ZFPM2: variants seen among roughly 807,000 people sequenced by gnomAD.
ZFPM2 encodes zinc finger protein ZFPM2.
ZFPM2 carries 20 observed loss-of-function variants against 98.6 expected under a neutral mutation model. That is an observed-to-expected ratio of 0.20 (90% CI 0.14 to 0.29). The LOEUF is 0.29. Ranked by LOEUF, ZFPM2 falls within the 10% of genes least tolerant of loss-of-function variation. The pLI is 1.00. For missense variants in ZFPM2, 1,310 were observed against 1,388.6 expected (o/e 0.94, Z 0.90); for synonymous variants, 518 against 502.7 (o/e 1.03, Z -0.41).
In ZFPM2 at chr8:105,429,445, A is replaced by AATATATATATATATAT. The variant is rs142230291; in HGVS notation, c.199+10148_199+10163dup. On this transcript the variant is annotated intron_variant, in intron 2 of 7. Transcript: ENST00000407775. The stretch of plus-strand genomic sequence containing the variant: ...AAAACGTGCACAAGTTAGACAAGGA[A>AATATATATATATATAT]ATATATATATATATATATATGGAAA... Among the ~76,000 whole-genome samples the AATATATATATATATAT allele has an allele frequency of 2.6e-4, 36 of 138,386 alleles. 1 individual carries two copies. Among genetic ancestry groups the AATATATATATATATAT allele is most frequent in the African/African-American group, 1.1e-3 (36 of 32,042 alleles). The allele number at this position is 138,386 out of a possible 152,430, so 90.8% of individuals were successfully genotyped here.
intron 1 of ZFPM2, among the ~76,000 whole-genome samples, chr8:105,380,253 G>A (rs1029768750): frequency 6.6e-6 from 1 of 151,952 alleles, no homozygotes; most frequent in Non-Finnish European, 1.5e-5. Flanking sequence ...AAATATATAA[G>A]ATGCTGATTA....
At position 105,788,767 on chromosome 8, in the gene ZFPM2, G is replaced by A. The variant is rs758169109; in HGVS notation, c.582G>A (p.Glu194=). 7 of 1,613,906 alleles carry A rather than the reference G, an allele frequency of 4.3e-6. No individual in the cohort carries two copies. The Middle Eastern group carries it at 4.9e-4, about 114-fold the overall frequency. The part of the protein sequence containing the change: ...TTTKAISEGE[E]LIAFVVDFDS... Reference sequence around the variant, plus strand: ...CGAAGGCCATCTCTGAGGGTGAAGAGCTAATTGCCTTTGTGGTGGATTTTG... The same window carrying A: ...CGAAGGCCATCTCTGAGGGTGAAGAACTAATTGCCTTTGTGGTGGATTTTG... The change falls in exon 6 of 8, where the codon GAG becomes GAA. Residue 194 remains glutamate (E), a synonymous_variant. Transcript: ENST00000407775.
chr8:105,786,635 C>T (rs747875294), intron 5 of ZFPM2, among the ~76,000 whole-genome samples: 1 of 152,116 alleles, frequency 6.6e-6, no homozygotes, highest in Non-Finnish European at 1.5e-5. Context: ...ATATATATTA[C>T]AACTGCTGAG....
Position 105,663,857 on chromosome 8 carries a change from C to A in ZFPM2, c.532+29500C>A, listed in dbSNP as rs181305076. Among the ~76,000 whole-genome samples the A allele has an allele frequency of 5.8e-3, 884 of 152,272 alleles. 3 individuals carry two copies. The highest frequency in any genetic ancestry group is 8.6e-3 in the Non-Finnish European group (585 of 68,012). On this transcript the variant is annotated intron_variant, in intron 5 of 7. Coordinates refer to ENST00000407775, the MANE Select transcript of ZFPM2 (RefSeq NM_012082.4). ...TCATTGTGATTTGTTTTTCAGTAGT[C>A]TGGAACAGCGTTTCAATTTTTTGAA...
intron 3 of ZFPM2, among the ~76,000 whole-genome samples, chr8:105,447,532 T>A (rs1812399705): frequency 6.6e-6 from 1 of 152,112 alleles, no homozygotes; most frequent in African/African-American, 2.4e-5. Context: ...AGAAAAGTTT[T>A]GTCATACTAA....
chr8:105,330,895 A>C (rs1181591886), intron 1 of ZFPM2, among the ~76,000 whole-genome samples: 1 of 150,118 alleles, frequency 6.7e-6, no homozygotes, highest in African/African-American at 2.4e-5. Context: ...TACATTTTTC[A>C]GTTTTACAGT....
intron 1 of ZFPM2, among the ~76,000 whole-genome samples, chr8:105,348,399 A>G (rs1812579160): frequency 1.3e-5 from 2 of 152,192 alleles, no homozygotes; most frequent in South Asian, 4.1e-4. Flanking sequence ...TCATCATGTG[A>G]CACACATCAG....
intron 3 of ZFPM2, among the ~76,000 whole-genome samples, chr8:105,499,445 T>C (rs1280074570): frequency 2.6e-5 from 4 of 152,170 alleles, no homozygotes; most frequent in Admixed American, 2.0e-4. Flanking sequence ...AAGAGGATAT[T>C]GTAATCTAAA....
chr8:105,616,525 A>T (rs1308543672), intron 4 of ZFPM2: 1 of 169,714 alleles, frequency 5.9e-6, no homozygotes, highest in Non-Finnish European at 1.3e-5. Context: ...ACAGAAATTT[A>T]ATCATTTCTT....
At chr8:105,412,215 C>G (rs1349297157) in intron 1 of ZFPM2, among the ~76,000 whole-genome samples, 1 of 151,752 alleles carries the variant, frequency 6.6e-6, no homozygotes, top group East Asian at 1.9e-4. Flanking sequence ...CTGACCCCTT[C>G]CCCTTCATTT....
chr8:105,503,844 A>G (rs1316695521), intron 3 of ZFPM2, among the ~76,000 whole-genome samples: 2 of 152,318 alleles, frequency 1.3e-5, no homozygotes, highest in Middle Eastern at 3.4e-3. Context: ...ATGACCTAGA[A>G]AACAATTTGA....
chr8:105,386,867 C>T (rs1417155949), intron 1 of ZFPM2, among the ~76,000 whole-genome samples: 2 of 152,044 alleles, frequency 1.3e-5, no homozygotes, highest in Admixed American at 6.5e-5. Flanking sequence ...TCTCCACGTA[C>T]CCACTAGATT....
intron 1 of ZFPM2, among the ~76,000 whole-genome samples, chr8:105,406,806 G>A (rs888817141): frequency 2.0e-5 from 3 of 151,962 alleles, no homozygotes; most frequent in Non-Finnish European, 4.4e-5. Context: ...GTACATAGGG[G>A]AGGCCTAGAG....
intron 5 of ZFPM2, among the ~76,000 whole-genome samples, chr8:105,648,292 G>A (rs76041585): frequency 0.74 from 112,302 of 152,012 alleles, 41,647 homozygotes; most frequent in Middle Eastern, 0.83. Flanking sequence ...TTTGTCAGAT[G>A]AGTAGATTGC....
chr8:105,710,611 T>G (rs2130975072), intron 5 of ZFPM2, among the ~76,000 whole-genome samples: 1 of 152,114 alleles, frequency 6.6e-6, no homozygotes, highest in East Asian at 1.9e-4. Flanking sequence ...TTATTTTAAA[T>G]ATTGGAACTC....
chr8:105,333,279 A>C (rs1033101605), intron 1 of ZFPM2, among the ~76,000 whole-genome samples: 3 of 151,784 alleles, frequency 2.0e-5, no homozygotes, highest in Non-Finnish European at 2.9e-5. Flanking sequence ...GGCTAAAACC[A>C]TCACTCAGTG....
chr8:105,754,032 A>T (rs1272977264), intron 5 of ZFPM2, among the ~76,000 whole-genome samples: 1 of 152,106 alleles, frequency 6.6e-6, no homozygotes, highest in Non-Finnish European at 1.5e-5. Context: ...ATTTTTCCCT[A>T]GTTCTAATTA....
At chr8:105,774,714 A>G (rs1230388558) in intron 5 of ZFPM2, among the ~76,000 whole-genome samples, 2 of 152,180 alleles carry the variant, frequency 1.3e-5, no homozygotes, top group African/African-American at 4.8e-5. Context: ...TTGGTTGTTC[A>G]GAGATGGTTT....
rs577629299 is a variant in ZFPM2, at chr8:105,609,612, G to A, written c.421-24634G>A. The stretch of plus-strand genomic sequence containing the variant: ...CGTTCTTATATCACTGCCCCGCCTT[G>A]CGTTGAATTCCCTTTTTGGTTTAAC... On this transcript the variant is annotated intron_variant, in intron 4 of 7. Transcript: ENST00000407775. 1.6e-3 allele frequency among the ~76,000 whole-genome samples: 241 copies of A among 152,264 alleles called. 1 individual carries two copies. Among genetic ancestry groups the A allele is most frequent in the Non-Finnish European group, 2.5e-3 (167 of 68,014 alleles).
Sources: gnomAD v4.1 joint callset for allele counts (sites outside exome capture counted in the v4.1 genomes callset) on GRCh38, gnomAD v4.1.1 for gene constraint, MANE v1.5 for transcripts, NCBI Gene and HGNC (gene_info 2026-07-23, HGNC 2026-07-21) for gene names.